Variants in KCND2 observed in about 807,000 individuals in gnomAD.
KCND2 encodes A-type voltage-gated potassium channel KCND2.
KCND2 carries 16 observed loss-of-function variants against 54.4 expected under a neutral mutation model. That is an observed-to-expected ratio of 0.29 (90% CI 0.20 to 0.45). The LOEUF is 0.45. Among genes scored for constraint, KCND2 ranks in the 20% least tolerant of loss-of-function variants. KCND2 has a pLI of 1.00. For synonymous variants in KCND2, 317 were observed against 310.7 expected (o/e 1.02, Z -0.21); for missense variants, 486 against 824.2 (o/e 0.59, Z 5.02).
chr7:120,351,767 T>C (rs1049135902), intron 1 of KCND2, among the ~76,000 whole-genome samples: 10 of 152,016 alleles, frequency 6.6e-5, no homozygotes, highest in Non-Finnish European at 1.2e-4. Context: ...CTATATTCTC[T>C]GCTATTTTCT....
chr7:120,553,763 T>G (rs1311404903), intron 1 of KCND2, among the ~76,000 whole-genome samples: 1 of 152,090 alleles, frequency 6.6e-6, no homozygotes, highest in Non-Finnish European at 1.5e-5. Context: ...TTGGCTGAAG[T>G]GAGATTTTAA....
chr7:120,733,046 A>G lies in KCND2; in HGVS notation c.1259A>G (p.Asp420Gly). Residue 420 changes from aspartate (D) to glycine (G), a missense_variant, in exon 2 of 6, where the codon GAC becomes GGC. Asp to Gly is a moderately conservative substitution (Grantham distance 94). Transcript: ENST00000331113. ...SRIYHQNQRA[D>G]KRRAQKKARL... is the part of the protein sequence containing the mutation. ...ATCTACCACCAGAATCAACGAGCAG[A>G]CAAACGAAGGGCACAAAAGGTGCGT... is the stretch of plus-strand genomic sequence containing the variant. The G allele has an allele frequency of 6.2e-7, 1 of 1,613,574 alleles. No individual in the cohort carries two copies. The highest frequency in any genetic ancestry group is 8.5e-7 in the Non-Finnish European group (1 of 1,179,682).
At chr7:120,282,268 A>C (rs908379868) in intron 1 of KCND2, among the ~76,000 whole-genome samples, 2 of 152,198 alleles carry the variant, frequency 1.3e-5, no homozygotes, top group Admixed American at 1.3e-4. Flanking sequence ...TCTTACCAGT[A>C]ACACAAGCTG....
chr7:120,512,801 C>CT (rs796237031), intron 1 of KCND2, among the ~76,000 whole-genome samples: 3,199 of 137,320 alleles, frequency 0.023, 87 homozygotes, highest in African/African-American at 0.063. Flanking sequence ...TTTCTTTTTT[C>CT]TTTTTTTTTT....
intron 1 of KCND2, among the ~76,000 whole-genome samples, chr7:120,665,643 A>G (rs898872383): frequency 2.6e-5 from 4 of 152,044 alleles, no homozygotes; most frequent in African/African-American, 9.7e-5. Context: ...GAGAATTGGG[A>G]GATTTTCTGT....
rs568725319 is a variant in KCND2 at position 120,651,280 on chromosome 7, G to A, written c.1116-81623G>A. ...GGGCTCCATCCAGTTCAAGCTTCCC[G>A]GCCACTTTGTTTACCTACTCAAGCC... is the stretch of plus-strand genomic sequence containing the variant. On this transcript the variant is annotated intron_variant, in intron 1 of 5. Coordinates refer to ENST00000331113, the MANE Select transcript of KCND2 (RefSeq NM_012281.3). 6.2e-5 allele frequency among the ~76,000 whole-genome samples: 9 copies of A among 145,290 alleles called. 2 individuals carry two copies. Among genetic ancestry groups the A allele is most frequent in the Non-Finnish European group, 9.0e-5 (6 of 66,466 alleles).
At chr7:120,313,252 T>C (rs945002873) in intron 1 of KCND2, among the ~76,000 whole-genome samples, 1 of 152,204 alleles carries the variant, frequency 6.6e-6, no homozygotes, top group Admixed American at 6.5e-5. Context: ...TAATACTGAC[T>C]GGGAAATTTA....
intron 1 of KCND2, among the ~76,000 whole-genome samples, chr7:120,408,180 A>G (rs2116099761): frequency 6.6e-6 from 1 of 152,038 alleles, no homozygotes; most frequent in South Asian, 2.1e-4. Context: ...ATACATGTTG[A>G]GTTTGTAGCT....
intron 1 of KCND2, among the ~76,000 whole-genome samples, chr7:120,653,907 C>T (rs2037995221): frequency 6.6e-6 from 1 of 152,082 alleles, no homozygotes; most frequent in African/African-American, 2.4e-5. Context: ...ATTAACTTTG[C>T]CTGGAGAAAG....
intron 1 of KCND2, among the ~76,000 whole-genome samples, chr7:120,586,749 T>C (rs1372652637): frequency 6.6e-6 from 1 of 152,188 alleles, no homozygotes; most frequent in East Asian, 1.9e-4. Context: ...AGTGTAGCAT[T>C]TTAAGTAGGT....
chr7:120,379,301 A>G (rs1263413435), intron 1 of KCND2, among the ~76,000 whole-genome samples: 4 of 152,040 alleles, frequency 2.6e-5, no homozygotes, highest in African/African-American at 9.7e-5. Context: ...TCAGGGAAAT[A>G]GTAATGATTA....
At chr7:120,552,600 C>T (rs1792116378) in intron 1 of KCND2, among the ~76,000 whole-genome samples, 1 of 152,178 alleles carries the variant, frequency 6.6e-6, no homozygotes, top group African/African-American at 2.4e-5. Flanking sequence ...AGAGCAGTAA[C>T]CTGAGAGAAA....
chr7:120,524,167 G>C (rs1791741236), intron 1 of KCND2, among the ~76,000 whole-genome samples: 1 of 151,886 alleles, frequency 6.6e-6, no homozygotes, highest in Admixed American at 6.6e-5. Flanking sequence ...CCCGGGAGGT[G>C]GAGGCTGCAG....
rs370036350 is a variant in KCND2 at position 120,275,256 on chromosome 7, G to C, written c.624G>C (p.Pro208=). 1 of 1,613,900 alleles carries C rather than the reference G, an allele frequency of 6.2e-7. No individual in the cohort carries two copies. The highest frequency in any genetic ancestry group is 8.5e-7 in the Non-Finnish European group (1 of 1,179,972). Residue 208 remains proline (P), a synonymous_variant, in exon 1 of 6, where the codon CCG becomes CCC. Coordinates refer to ENST00000331113, the MANE Select transcript of KCND2 (RefSeq NM_012281.3). Reference sequence around the variant, plus strand: ...TCGCGAATGTGGTGGAAACAGTGCCGTGCGGATCAAGCCCAGGTCACATTA... The same window carrying C: ...TCGCGAATGTGGTGGAAACAGTGCCCTGCGGATCAAGCCCAGGTCACATTA... The part of the protein sequence containing the change: ...SVIANVVETV[P]CGSSPGHIKE...
At chr7:120,692,791 A>G (rs1275909125) in intron 1 of KCND2, among the ~76,000 whole-genome samples, 1 of 152,214 alleles carries the variant, frequency 6.6e-6, no homozygotes, top group South Asian at 2.1e-4. Context: ...CCTGTGGGGC[A>G]TTTCACACTG....
rs528668082 is a variant in KCND2, at chr7:120,306,792, A to C, written c.1115+31045A>C. On this transcript the variant is annotated intron_variant, in intron 1 of 5. Transcript: ENST00000331113. ...CAATTGAATATTTTTTTTAAAATTC[A>C]AGAGAATATTATTAGTTCATAAATG... Among the ~76,000 whole-genome samples, 29 of 152,118 alleles carry C rather than the reference A, an allele frequency of 1.9e-4. 1 individual carries two copies. Among genetic ancestry groups the C allele is most frequent in the African/African-American group, 6.7e-4 (28 of 41,548 alleles).
At position 120,728,353 on chromosome 7, in the gene KCND2, G is replaced by A. The variant is rs185475815; in HGVS notation, c.1116-4550G>A. On this transcript the variant is annotated intron_variant, in intron 1 of 5. Transcript: ENST00000331113. ...GTTGCCCAGGCTGGAGTGCAATGGC[G>A]CCATCTCGGCTCACTGCAACCTCTG... is the stretch of plus-strand genomic sequence containing the variant. Among the ~76,000 whole-genome samples, 472 of 148,080 alleles carry A rather than the reference G, an allele frequency of 3.2e-3. 3 individuals are homozygous for A. Among genetic ancestry groups the A allele is most frequent in the African/African-American group, 0.011 (443 of 40,386 alleles).
At chr7:120,560,442 T>C (rs1792219653) in intron 1 of KCND2, among the ~76,000 whole-genome samples, 1 of 152,190 alleles carries the variant, frequency 6.6e-6, no homozygotes, top group Admixed American at 6.5e-5. Context: ...GTAGAACTTG[T>C]CATTTTTAAG....
At chr7:120,400,657 C>CGGG (rs1220753862) in intron 1 of KCND2, among the ~76,000 whole-genome samples, 1 of 151,888 alleles carries the variant, frequency 6.6e-6, no homozygotes, top group Non-Finnish European at 1.5e-5. Context: ...ACCAACAATC[C>CGGG]TCAAACTTTA....
Sources: allele counts gnomAD v4.1 joint callset (sites outside exome capture counted in the v4.1 genomes callset), GRCh38; gene constraint gnomAD v4.1.1; transcripts MANE v1.5; gene names NCBI Gene and HGNC (gene_info 2026-07-23, HGNC 2026-07-21).